Variants in TDRD1 observed in about 807,000 individuals in gnomAD.
The protein encoded by TDRD1 is tudor domain-containing protein 1.
A neutral mutation model predicts 140.6 loss-of-function variants in TDRD1; 37 were observed. The ratio of observed to expected loss-of-function variants is 0.26; its 90% confidence interval spans 0.20 to 0.35. The LOEUF (loss-of-function observed/expected upper bound fraction) is 0.35. TDRD1 is among the 10% of genes least tolerant of loss of function. The pLI, the probability that TDRD1 is intolerant of heterozygous loss-of-function variation, is 1.00. For synonymous variants in TDRD1, 506 were observed against 475.7 expected, an observed-to-expected ratio of 1.06 and a Z score of -0.83; for missense variants, 1,243 against 1,393.0, an observed-to-expected ratio of 0.89 and a Z score of 1.71.
chr10:114,206,651 T>G (rs2035134763), intron 11 of TDRD1, among the ~76,000 whole-genome samples: 1 of 150,254 alleles, frequency 6.7e-6, no homozygotes. Context: ...TTCACTCTTG[T>G]TGTCCAAGCT....
At chr10:114,205,641 T>C (rs2035048407) in intron 10 of TDRD1, among the ~76,000 whole-genome samples, 1 of 152,172 alleles carries the variant, frequency 6.6e-6, no homozygotes, top group Non-Finnish European at 1.5e-5. Context: ...TTCGTGTTCT[T>C]CAGGATTTCA....
chr10:114,220,878 G>A (rs745615573), intron 19 of TDRD1, 35 bp downstream of exon 19: 2 of 1,502,128 alleles, frequency 1.3e-6, no homozygotes, highest in Admixed American at 3.7e-5. Flanking sequence ...GTTTAAATTT[G>A]TTATTCTTTG....
chr10:114,191,354 A>G (rs1274459667), intron 3 of TDRD1, among the ~76,000 whole-genome samples: 3 of 152,176 alleles, frequency 2.0e-5, no homozygotes, highest in Non-Finnish European at 4.4e-5. Flanking sequence ...CTTGTTGCTT[A>G]TGTTCTGGTG....
intron 11 of TDRD1, among the ~76,000 whole-genome samples, chr10:114,207,101 T>C (rs1314350709): frequency 6.6e-6 from 1 of 152,256 alleles, no homozygotes; most frequent in Non-Finnish European, 1.5e-5. Context: ...AAATTTTGCT[T>C]TCAGCATTTT....
intron 11 of TDRD1, 73 bp from the exon 12 acceptor site, chr10:114,210,508 T>G: frequency 7.0e-7 from 1 of 1,418,754 alleles, no homozygotes; most frequent in South Asian, 1.5e-5. Context: ...TTAAAATGAT[T>G]AAAGCGTGCA....
chr10:114,193,520 C>T (rs573513013), intron 3 of TDRD1, among the ~76,000 whole-genome samples: 1 of 152,296 alleles, frequency 6.6e-6, no homozygotes, highest in East Asian at 1.9e-4. Context: ...TCCCGAACTC[C>T]TGACCTTAGG....
intron 4 of TDRD1, among the ~76,000 whole-genome samples, chr10:114,199,702 G>A (rs116317620): frequency 0.014 from 2,069 of 152,314 alleles, 47 homozygotes; most frequent in African/African-American, 0.047. Flanking sequence ...ATTCACATAA[G>A]TGGAATCATA....
intron 1 of TDRD1, among the ~76,000 whole-genome samples, chr10:114,182,370 G>C (rs1352961673): frequency 6.6e-6 from 1 of 152,210 alleles, no homozygotes; most frequent in East Asian, 1.9e-4. Context: ...TGAATAGGGT[G>C]AGTCCTTCAA....
chr10:114,228,456 A>G (rs1017410349), intron 25 of TDRD1: 2 of 1,047,952 alleles, frequency 1.9e-6, no homozygotes, highest in African/African-American at 3.4e-5. Context: ...TTAGCCTCAG[A>G]TTTTTTGTCT....
intron 1 of TDRD1, among the ~76,000 whole-genome samples, chr10:114,186,007 T>C (rs187448029): frequency 6.6e-6 from 1 of 152,336 alleles, no homozygotes; most frequent in African/African-American, 2.4e-5. Flanking sequence ...TGAATAATTT[T>C]CTCCCTGAGT....
intron 16 of TDRD1, among the ~76,000 whole-genome samples, chr10:114,217,145 G>A (rs1006117146): frequency 6.6e-6 from 1 of 152,166 alleles, no homozygotes; most frequent in African/African-American, 2.4e-5. Flanking sequence ...CCTCCAGCAC[G>A]CAGAGCTCAT....
At chr10:114,182,414 TA>T (rs778102353) in intron 1 of TDRD1, among the ~76,000 whole-genome samples, 1 of 152,228 alleles carries the variant, frequency 6.6e-6, no homozygotes, top group South Asian at 2.1e-4. Flanking sequence ...TTCTTTTAAG[TA>T]AAAATCCTCT....
At chr10:114,231,718 T>C in exon 26 of TDRD1, 1 of 512,816 alleles carries the variant, frequency 2.0e-6, no homozygotes, top group Non-Finnish European at 3.4e-6. Flanking sequence ...CGTAAAAAAT[T>C]CATACCAAAT....
chr10:114,212,123 T>C lies in TDRD1; in HGVS notation c.1831+87T>C, dbSNP rs2035524203. 2.3e-5 allele frequency: 29 copies of C among 1,235,928 alleles called. No individual in the cohort carries two copies. In the South Asian group the frequency reaches 4.1e-4, roughly 17 times the overall value. 76.6% of individuals were successfully genotyped at this position (1,235,928 alleles called of 1,614,324 possible). On this transcript the variant is annotated intron_variant, in intron 14 of 25. Coordinates refer to ENST00000251864, the Ensembl canonical transcript of TDRD1. Reference sequence around the variant, plus strand: ...GATACACGAAATAGGGAAAAGCTGCTTCTCAAAACAACATCATGATCAGAT... The same window carrying C: ...GATACACGAAATAGGGAAAAGCTGCCTCTCAAAACAACATCATGATCAGAT...
intron 16 of TDRD1, among the ~76,000 whole-genome samples, chr10:114,217,038 C>T (rs893408439): frequency 1.3e-5 from 2 of 152,194 alleles, no homozygotes; most frequent in African/African-American, 4.8e-5. Context: ...TTTTGGTTGC[C>T]TAATTTCATA....
chr10:114,208,758 A>C (rs1362407380), intron 11 of TDRD1, among the ~76,000 whole-genome samples: 1 of 151,540 alleles, frequency 6.6e-6, no homozygotes, highest in Non-Finnish European at 1.5e-5. Context: ...TCTGACATAC[A>C]TTAGATGTTT....
chr10:114,191,393 GC>G (rs1457545750), intron 3 of TDRD1, among the ~76,000 whole-genome samples: 1 of 152,076 alleles, frequency 6.6e-6, no homozygotes, highest in African/African-American at 2.4e-5. Context: ...TTCTGCCCCT[GC>G]CCTCTTAATC....
chr10:114,179,665 C>G (rs1214198901), intron 1 of TDRD1: 1 of 152,224 alleles, frequency 6.6e-6, no homozygotes, highest in African/African-American at 2.4e-5. Flanking sequence ...TTCACCTTCT[C>G]TCTAAGAGAA....
At position 114,214,904 on chromosome 10, in the gene TDRD1, AT is replaced by A. The variant is rs1004740630; in HGVS notation, c.2212+800del. ...AGGCATGTGCCACCACGCCCAGTTA[AT>A]TTTTTTTTTGTATTTTTAATAAAGG... On this transcript the variant is annotated intron_variant, in intron 16 of 25. Coordinates refer to ENST00000251864, the Ensembl canonical transcript of TDRD1. Among the ~76,000 whole-genome samples the A allele has an allele frequency of 1.4e-3, 212 of 148,804 alleles. 2 individuals carry two copies. Among genetic ancestry groups the A allele is most frequent in the African/African-American group, 4.9e-3 (198 of 40,546 alleles).
Sources: gnomAD v4.1 joint callset for allele counts (sites outside exome capture counted in the v4.1 genomes callset) on GRCh38, gnomAD v4.1.1 for gene constraint, MANE v1.5 for transcripts, NCBI Gene and HGNC (gene_info 2026-07-23, HGNC 2026-07-21) for gene names.